Variants in CCL28 observed in about 807,000 individuals in gnomAD.
CCL28 encodes the protein C-C motif chemokine 28.
A neutral mutation model predicts 7.1 loss-of-function variants in CCL28; 4 were observed. The observed-to-expected ratio is 0.56, with a 90% CI of 0.28 to 1.29. The LOEUF is 1.29. Among genes scored for constraint, CCL28 ranks in the 50% most tolerant of loss-of-function variants. The probability of loss-of-function intolerance (pLI) is 0.11; values close to 1 mark genes in which losing one functional copy is unlikely to be tolerated. For missense variants in CCL28, 151 were observed against 163.4 expected, an observed-to-expected ratio of 0.92 and a Z score of 0.41; for synonymous variants, 55 against 57.8, an observed-to-expected ratio of 0.95 and a Z score of 0.22.
In CCL28 at chr5:43,388,205, A is replaced by G; in HGVS notation, c.191+145T>C. 2.0e-6 allele frequency: 2 copies of G among 1,002,020 alleles called. 1 individual carries two copies. The highest frequency in any genetic ancestry group is 3.3e-5 in the South Asian group (2 of 59,840). The allele number at this position is 1,002,020 out of a possible 1,614,324, so 62.1% of individuals were successfully genotyped here. A position where few individuals can be genotyped will look rare whatever the true frequency, so the allele number is the denominator to read the frequency against. Reference sequence around the variant, plus strand: ...ATTTACTCCAGGGAGCCTGGGGCCTAATGGACAGAATATTTACTCTTCCCT... The same window carrying G: ...ATTTACTCCAGGGAGCCTGGGGCCTGATGGACAGAATATTTACTCTTCCCT... On this transcript the variant is annotated intron_variant, in intron 2 of 2. Coordinates refer to ENST00000361115, the MANE Select transcript of CCL28 (RefSeq NM_148672.3).
chr5:43,357,376 T>C, the CCL28 span, among the ~76,000 whole-genome samples: 2 of 152,202 alleles, frequency 1.3e-5, no homozygotes, highest in African/African-American at 4.8e-5. Context: ...AATGATTCAG[T>C]ATACAGCAGA....
At chr5:43,376,655 A>G (rs1317583627), downstream of CCL28, 1 of 152,280 alleles carries the variant, frequency 6.6e-6, no homozygotes, top group Non-Finnish European at 1.5e-5. Flanking sequence ...TTTGCAGCAG[A>G]GAGTTTAATG....
chr5:43,411,341 T>G (rs1741530400), intron 1 of CCL28, among the ~76,000 whole-genome samples: 1 of 152,250 alleles, frequency 6.6e-6, no homozygotes, highest in South Asian at 2.1e-4. Flanking sequence ...TAGGGTTTCC[T>G]GAATATAGTA....
intron 2 of CCL28, 113 bp downstream of exon 2, chr5:43,388,237 T>C: frequency 1.5e-6 from 2 of 1,342,346 alleles, no homozygotes; most frequent in Non-Finnish European, 2.1e-6. Context: ...CCCTCCCTTG[T>C]TTGGATGATT....
chr5:43,361,493 A>G, the CCL28 span, among the ~76,000 whole-genome samples: 1 of 152,156 alleles, frequency 6.6e-6, no homozygotes, highest in African/African-American at 2.4e-5. Flanking sequence ...CTTTAGTTTA[A>G]TTAGACCCTA....
chr5:43,361,508 T>C, the CCL28 span, among the ~76,000 whole-genome samples: 2 of 152,238 alleles, frequency 1.3e-5, no homozygotes, highest in Non-Finnish European at 2.9e-5. Context: ...ACCCTATTTA[T>C]CAATTTTTGC....
At position 43,389,057 on chromosome 5, in the gene CCL28, C is replaced by T. The variant is rs534276049; in HGVS notation, c.65-581G>A. 8.2e-4 allele frequency among the ~76,000 whole-genome samples: 125 copies of T among 152,208 alleles called. 2 individuals are homozygous for T. Among genetic ancestry groups the T allele is most frequent in the African/African-American group, 2.8e-3 (115 of 41,538 alleles). On this transcript the variant is annotated intron_variant, in intron 1 of 2. Transcript: ENST00000361115. Reference sequence around the variant, plus strand: ...TATGATTCCCTTTATATGAAAGATCCAGAATGGGCAAATCCATAAAGACAG... The same window carrying T: ...TATGATTCCCTTTATATGAAAGATCTAGAATGGGCAAATCCATAAAGACAG...
chr5:43,364,603 T>G, the CCL28 span, among the ~76,000 whole-genome samples: 79 of 151,248 alleles, frequency 5.2e-4, no homozygotes, highest in Middle Eastern at 0.014. Flanking sequence ...ATTATTTCAG[T>G]TCTAAAAAAA....
intron 1 of CCL28, among the ~76,000 whole-genome samples, chr5:43,407,010 G>T (rs1380189239): frequency 6.6e-6 from 1 of 152,066 alleles, no homozygotes; most frequent in East Asian, 1.9e-4. Context: ...AGAAATGGAA[G>T]AACATTCCAT....
the CCL28 span, among the ~76,000 whole-genome samples, chr5:43,368,519 C>T: frequency 6.6e-6 from 1 of 152,328 alleles, no homozygotes; most frequent in Non-Finnish European, 1.5e-5. Flanking sequence ...AAGAAAACAA[C>T]ATTTCCTTTC....
chr5:43,357,213 C>T, the CCL28 span, among the ~76,000 whole-genome samples: 2 of 152,212 alleles, frequency 1.3e-5, no homozygotes, highest in African/African-American at 2.4e-5. Context: ...TCTCCAAGCC[C>T]TCCTTTGCAT....
At chr5:43,360,204 A>C in the CCL28 span, among the ~76,000 whole-genome samples, 1 of 152,294 alleles carries the variant, frequency 6.6e-6, no homozygotes, top group Admixed American at 6.5e-5. Context: ...TGGCTTTAAG[A>C]AATAATATTC....
downstream of CCL28, among the ~76,000 whole-genome samples, chr5:43,374,277 A>G (rs1237645266): frequency 5.9e-5 from 9 of 152,256 alleles, no homozygotes; most frequent in Admixed American, 5.9e-4. Context: ...TAGAGGCTGC[A>G]ATATGCCAGT....
intron 1 of CCL28, among the ~76,000 whole-genome samples, chr5:43,407,462 C>G (rs1313448710): frequency 6.6e-6 from 1 of 152,156 alleles, no homozygotes; most frequent in Non-Finnish European, 1.5e-5. Flanking sequence ...GAAACTGGAT[C>G]CCTTCCTTAC....
At chr5:43,367,404 CTG>C in the CCL28 span, among the ~76,000 whole-genome samples, 130 of 152,306 alleles carry the variant, frequency 8.5e-4, no homozygotes, top group Non-Finnish European at 1.4e-3. Context: ...GTTGTGAAGA[CTG>C]TGGGAAAAGC....
chr5:43,396,393 C>T (rs1030009631), intron 1 of CCL28, among the ~76,000 whole-genome samples: 7 of 152,150 alleles, frequency 4.6e-5, no homozygotes, highest in Admixed American at 1.3e-4. Context: ...CATCCTGTGA[C>T]TTAGATGGGA....
At chr5:43,377,717 CTTTTTTTT>C (rs767834184), downstream of CCL28, among the ~76,000 whole-genome samples, 26 of 42,704 alleles carry the variant, frequency 6.1e-4, no homozygotes, top group Non-Finnish European at 9.3e-4. Flanking sequence ...AGAACTTAAA[CTTTTTTTT>C]TTTTTTTTTT....
In CCL28 at chr5:43,381,901, G is replaced by GAT; in HGVS notation, c.341_342dup (p.Gln115IlefsTer40). The GAT allele has an allele frequency of 6.2e-7, 1 of 1,614,056 alleles. No individual in the cohort carries two copies. Among genetic ancestry groups the GAT allele is most frequent in the Non-Finnish European group, 8.5e-7 (1 of 1,179,988 alleles). ...TGGCCGTATGTTTCGTGTTTCCCCT[G>GAT]ATGTGCCCTGTTACTGTTCCTCTTG... On this transcript the variant is annotated frameshift_variant, in exon 3 of 3. Transcript: ENST00000361115. LOFTEE classifies it low-confidence loss of function (END_TRUNC).
chr5:43,378,562 G>C (rs1739976085), downstream of CCL28, among the ~76,000 whole-genome samples: 1 of 152,138 alleles, frequency 6.6e-6, no homozygotes, highest in South Asian at 2.1e-4. Context: ...TCATGATATA[G>C]TAACAGTATT....
Sources: allele counts gnomAD v4.1 joint callset (sites outside exome capture counted in the v4.1 genomes callset), GRCh38; gene constraint gnomAD v4.1.1; transcripts MANE v1.5; gene names NCBI Gene and HGNC (gene_info 2026-07-23, HGNC 2026-07-21).